Variants in CSGALNACT1 observed in about 807,000 individuals in gnomAD.
CSGALNACT1 encodes beta4GalNAcT-1.
In CSGALNACT1, 52 loss-of-function variants were observed where a neutral mutation model predicts 51.0. That is an observed-to-expected ratio of 1.02 (90% CI 0.82 to 1.29). CSGALNACT1 has a LOEUF of 1.29. Among genes scored for constraint, CSGALNACT1 ranks in the 50% most tolerant of loss-of-function variants. The pLI is 0.00. For missense variants in CSGALNACT1, 935 were observed against 679.2 expected (o/e 1.38, Z -4.19); for synonymous variants, 341 against 254.4 (o/e 1.34, Z -3.24).
chr8:19,668,640 C>G (rs148445685), intron 1 of CSGALNACT1, among the ~76,000 whole-genome samples: 9,354 of 152,160 alleles, frequency 0.061, 334 homozygotes, highest in African/African-American at 0.1. Flanking sequence ...CTACAACCTC[C>G]ACCTCCTCAG....
chr8:19,755,456 C>CAAAAAAAAAAGAAAAAAAAA (rs2065300449), intron 1 of CSGALNACT1, among the ~76,000 whole-genome samples: 1 of 74,532 alleles, frequency 1.3e-5, no homozygotes. Context: ...TAAAGAAAGA[C>CAAAAAAAAAAGAAAAAAAAA]AAAAAAAAAA....
chr8:19,751,629 C>G (rs2065032537), intron 1 of CSGALNACT1, among the ~76,000 whole-genome samples: 1 of 152,164 alleles, frequency 6.6e-6, no homozygotes, highest in Admixed American at 6.5e-5. Flanking sequence ...ACCGAAATCT[C>G]ATGTCAAATT....
chr8:19,533,969 C>T (rs913957915), intron 3 of CSGALNACT1, among the ~76,000 whole-genome samples: 21 of 152,094 alleles, frequency 1.4e-4, no homozygotes, highest in African/African-American at 4.8e-4. Flanking sequence ...GCATGTCTCT[C>T]CCTACCTTCC....
intron 3 of CSGALNACT1, among the ~76,000 whole-genome samples, chr8:19,579,125 G>C (rs2044976986): frequency 6.6e-6 from 1 of 152,158 alleles, no homozygotes; most frequent in Non-Finnish European, 1.5e-5. Flanking sequence ...AACCATGAAA[G>C]TGCCATACTC....
intron 1 of CSGALNACT1, among the ~76,000 whole-genome samples, chr8:19,676,172 G>A (rs1181773323): frequency 6.6e-6 from 1 of 150,782 alleles, no homozygotes; most frequent in Non-Finnish European, 1.5e-5. Flanking sequence ...TCAGGACAAT[G>A]CAAAATTACT....
rs143914910 is a variant in CSGALNACT1, at chr8:19,459,839, G to C, written c.635-1197C>G. 2.1e-4 allele frequency among the ~76,000 whole-genome samples: 32 copies of C among 152,270 alleles called. 1 individual carries two copies. The East Asian group carries it at 6.0e-3, about 28-fold the overall frequency. On this transcript the variant is annotated intron_variant, in intron 4 of 9. Coordinates refer to ENST00000454498, the Ensembl canonical transcript of CSGALNACT1. ...TTCACAACTCCCCTTTCTCTGAGAA[G>C]GTAGAGAGGCAGGAGAGAAGTCTAG...
intron 1 of CSGALNACT1, among the ~76,000 whole-genome samples, chr8:19,719,918 G>A (rs946437673): frequency 6.6e-6 from 1 of 152,240 alleles, no homozygotes; most frequent in South Asian, 2.1e-4. Flanking sequence ...GACATAAGCT[G>A]AAGCTCACTA....
At chr8:19,649,562 C>A (rs1446486296) in intron 1 of CSGALNACT1, among the ~76,000 whole-genome samples, 2 of 151,660 alleles carry the variant, frequency 1.3e-5, no homozygotes, top group Non-Finnish European at 2.9e-5. Flanking sequence ...CTTAGTTTTT[C>A]CAAGTACTCA....
Position 19,458,387 on chromosome 8 carries a change from A to C in CSGALNACT1, c.851+39T>G, listed in dbSNP as rs543284374. On this transcript the variant is annotated intron_variant, in intron 5 of 9. Coordinates refer to ENST00000454498, the Ensembl canonical transcript of CSGALNACT1. ...AAATGATATCAGTGTTCTAACACAC[A>C]TCATGCGGAGGAAGATAAACACGTG... is the stretch of plus-strand genomic sequence containing the variant. 13 of 1,486,498 alleles carry C rather than the reference A, an allele frequency of 8.7e-6. No individual in the cohort carries two copies. In the East Asian group the frequency reaches 2.9e-4, roughly 34 times the overall value. 92.1% of individuals were successfully genotyped at this position (1,486,498 alleles called of 1,614,324 possible).
chr8:19,426,691 C>T (rs977152216), intron 6 of CSGALNACT1, among the ~76,000 whole-genome samples: 1 of 152,140 alleles, frequency 6.6e-6, no homozygotes, highest in African/African-American at 2.4e-5. Context: ...ATCTGGTGCA[C>T]GGAGACTCCT....
At chr8:19,692,163 T>A (rs1456720549) in intron 1 of CSGALNACT1, among the ~76,000 whole-genome samples, 1 of 151,990 alleles carries the variant, frequency 6.6e-6, no homozygotes, top group Admixed American at 6.6e-5. Context: ...TCCAATCACC[T>A]CCCACCTGGT....
intron 3 of CSGALNACT1, among the ~76,000 whole-genome samples, chr8:19,564,755 C>A (rs1347355385): frequency 6.6e-6 from 1 of 152,198 alleles, no homozygotes; most frequent in Non-Finnish European, 1.5e-5. Flanking sequence ...CATTCTAATT[C>A]TCTGCATAGC....
chr8:19,607,045 C>G (rs755199477), upstream of CSGALNACT1, among the ~76,000 whole-genome samples: 3 of 151,910 alleles, frequency 2.0e-5, no homozygotes, highest in East Asian at 5.8e-4. Flanking sequence ...GTCCCAGCTA[C>G]TCTGGAGGCT....
intron 4 of CSGALNACT1, among the ~76,000 whole-genome samples, chr8:19,467,425 C>G (rs1194819105): frequency 1.3e-5 from 2 of 152,002 alleles, no homozygotes; most frequent in African/African-American, 4.8e-5. Context: ...CTGGCCAGTA[C>G]TAGCAGTTGA....
intron 3 of CSGALNACT1, among the ~76,000 whole-genome samples, chr8:19,554,733 C>T (rs1050104058): frequency 1.3e-5 from 2 of 152,044 alleles, no homozygotes; most frequent in African/African-American, 4.8e-5. Context: ...GCCTGCCCTA[C>T]ATGGTGAAAC....
intron 1 of CSGALNACT1, among the ~76,000 whole-genome samples, chr8:19,740,439 A>G (rs960814943): frequency 3.3e-5 from 5 of 152,210 alleles, no homozygotes; most frequent in African/African-American, 7.2e-5. Context: ...AAGGACAGTG[A>G]CGGGCGCACA....
At chr8:19,541,021 C>T (rs543621405) in intron 3 of CSGALNACT1, among the ~76,000 whole-genome samples, 7 of 152,210 alleles carry the variant, frequency 4.6e-5, no homozygotes, top group African/African-American at 1.7e-4. Flanking sequence ...TCTTTATCAC[C>T]TTCACTATAA....
intron 4 of CSGALNACT1, among the ~76,000 whole-genome samples, chr8:19,486,228 A>G (rs1038326385): frequency 1.3e-5 from 2 of 151,854 alleles, no homozygotes; most frequent in African/African-American, 4.8e-5. Flanking sequence ...ATTGGTGACA[A>G]GCCTCAATCA....
chr8:19,603,106 C>G (rs1244302610), upstream of CSGALNACT1, among the ~76,000 whole-genome samples: 1 of 135,860 alleles, frequency 7.4e-6, no homozygotes, highest in Non-Finnish European at 1.5e-5. Context: ...TCCCATTTCA[C>G]ATGCAGGAAT....
Sources: allele counts gnomAD v4.1 joint callset (sites outside exome capture counted in the v4.1 genomes callset), GRCh38; gene constraint gnomAD v4.1.1; transcripts MANE v1.5; gene names NCBI Gene and HGNC (gene_info 2026-07-23, HGNC 2026-07-21).